Variants in PTPRJ observed in about 807,000 individuals in gnomAD.
The protein encoded by PTPRJ is receptor-type tyrosine-protein phosphatase eta.
In PTPRJ, 129 loss-of-function variants were observed where a neutral mutation model predicts 141.3. That is an observed-to-expected ratio of 0.91 (90% CI 0.79 to 1.06). The LOEUF (loss-of-function observed/expected upper bound fraction) is 1.06. PTPRJ is among the 50% of genes least tolerant of loss of function. The pLI, the probability that PTPRJ is intolerant of heterozygous loss-of-function variation, is 0.00. For missense variants in PTPRJ, 1,601 were observed against 1,679.7 expected (o/e 0.95, Z 0.82); for synonymous variants, 610 against 640.5 (o/e 0.95, Z 0.72).
At chr11:48,004,246 C>G (rs541530684) in intron 1 of PTPRJ, among the ~76,000 whole-genome samples, 1 of 152,344 alleles carries the variant, frequency 6.6e-6, no homozygotes, top group South Asian at 2.1e-4. Flanking sequence ...ATGTTGAGTT[C>G]AAATCCTAGT....
At chr11:48,013,867 G>A (rs1463534751) in intron 1 of PTPRJ, among the ~76,000 whole-genome samples, 1 of 152,134 alleles carries the variant, frequency 6.6e-6, no homozygotes, top group Non-Finnish European at 1.5e-5. Context: ...AAGACCTTCC[G>A]CTGGCCCCAG....
At chr11:48,130,167 C>T (rs1242197753) in intron 7 of PTPRJ, among the ~76,000 whole-genome samples, 1 of 151,060 alleles carries the variant, frequency 6.6e-6, no homozygotes, top group African/African-American at 2.4e-5. Flanking sequence ...CCAAGGTTCT[C>T]CTCCAGAGCC....
intron 22 of PTPRJ, among the ~76,000 whole-genome samples, chr11:48,161,792 T>G (rs1486488436): frequency 6.6e-6 from 1 of 151,992 alleles, no homozygotes; most frequent in African/African-American, 2.4e-5. Flanking sequence ...TTTTTTGTAT[T>G]TTTAATAGAG....
intron 11 of PTPRJ, among the ~76,000 whole-genome samples, chr11:48,141,863 T>A (rs1857236080): frequency 6.6e-6 from 1 of 152,234 alleles, no homozygotes; most frequent in Non-Finnish European, 1.5e-5. Flanking sequence ...CAATTTTTGC[T>A]TTTGTTGCTG....
intron 1 of PTPRJ, among the ~76,000 whole-genome samples, chr11:48,035,425 G>T (rs1263324526): frequency 1.3e-5 from 2 of 151,792 alleles, no homozygotes; most frequent in African/African-American, 4.8e-5. Flanking sequence ...GGGATGAGCT[G>T]TTTGTAGTGA....
chr11:48,068,741 A>G (rs947760202), intron 1 of PTPRJ, among the ~76,000 whole-genome samples: 1 of 152,198 alleles, frequency 6.6e-6, no homozygotes, highest in African/African-American at 2.4e-5. Flanking sequence ...AGGATGGTCC[A>G]TGCACGGAAT....
At chr11:48,144,392 A>G (rs1857303652) in intron 12 of PTPRJ, among the ~76,000 whole-genome samples, 2 of 152,294 alleles carry the variant, frequency 1.3e-5, no homozygotes, top group Admixed American at 1.3e-4. Context: ...TCTACCTCAT[A>G]GGCAGTGTGA....
chr11:48,164,129 T>G (rs1056462066), intron 23 of PTPRJ, among the ~76,000 whole-genome samples: 6 of 152,148 alleles, frequency 3.9e-5, no homozygotes, highest in Non-Finnish European at 1.5e-5. Context: ...GAACTGAGAT[T>G]GAAGAAGCTT....
In PTPRJ at chr11:48,144,152, T is replaced by C. The variant is rs151239386; in HGVS notation, c.2576-523T>C. Among the ~76,000 whole-genome samples the C allele has an allele frequency of 7.9e-5, 12 of 152,292 alleles. No individual in the cohort carries two copies. The South Asian group carries it at 1.0e-3, about 13-fold the overall frequency. On this transcript the variant is annotated intron_variant, in intron 12 of 24. Transcript: ENST00000418331. ...TGTCGGGGTTAGGGATCTGGGAGGA[T>C]AGAAATTTGCTGGTGCCATAACCTG...
chr11:48,159,094 T>TGG (rs3071025), intron 21 of PTPRJ, among the ~76,000 whole-genome samples: 112,000 of 141,768 alleles, frequency 0.79, 45,032 homozygotes, highest in South Asian at 0.86. Flanking sequence ...TGTGTGTATG[T>TGG]GGGGTGTGTG....
At chr11:48,039,186 A>G (rs12287023) in intron 1 of PTPRJ, among the ~76,000 whole-genome samples, 10,186 of 151,272 alleles carry the variant, frequency 0.067, 1,104 homozygotes, top group African/African-American at 0.23. Flanking sequence ...ATTGGTAACA[A>G]CCCTCATTTT....
chr11:48,143,062 C>T lies in PTPRJ; in HGVS notation c.2575+12C>T. ...CACCACCGGGGAAGGTAAGGAGAGG[C>T]CTCCGTGGGTTAAACAGCCCATGAG... On this transcript the variant is annotated intron_variant, in intron 12 of 24. Transcript: ENST00000418331. 6.2e-7 allele frequency: 1 copy of T among 1,613,882 alleles called. No homozygotes were observed. The highest frequency in any genetic ancestry group is 1.1e-5 in the South Asian group (1 of 91,058).
chr11:47,981,404 C>A (rs555748293), intron 1 of PTPRJ, among the ~76,000 whole-genome samples: 1 of 152,112 alleles, frequency 6.6e-6, no homozygotes, highest in African/African-American at 2.4e-5. Flanking sequence ...AGCCGGGCGG[C>A]CTGGCTGAGC....
chr11:48,067,023 CTT>C (rs1412125081), intron 1 of PTPRJ, among the ~76,000 whole-genome samples: 2 of 152,182 alleles, frequency 1.3e-5, no homozygotes, highest in East Asian at 1.9e-4. Flanking sequence ...AGGGAATTAA[CTT>C]TGGACACAGA....
intron 1 of PTPRJ, among the ~76,000 whole-genome samples, chr11:48,019,472 C>G (rs547887273): frequency 1.3e-4 from 19 of 151,112 alleles, no homozygotes; most frequent in African/African-American, 4.4e-4. Context: ...GTTGCCTGTT[C>G]AGCAATCACA....
In PTPRJ at chr11:48,139,509, G is replaced by A. The variant is rs374727162; in HGVS notation, c.2176G>A (p.Asp726Asn). 1.5e-5 allele frequency: 24 copies of A among 1,613,816 alleles called. No homozygotes were observed. In the Admixed American group the frequency reaches 1.8e-4, roughly 12 times the overall value. Residue 726 changes from aspartate to asparagine, a missense_variant, in exon 11 of 25, where the codon GAC becomes AAC. Coordinates refer to ENST00000418331, the MANE Select transcript of PTPRJ (RefSeq NM_002843.4). The part of the protein sequence containing the change: ...CTDPASMASF[D>N]CEVVPKEPAL... Reference sequence around the variant, plus strand: ...AGATCCTGCGTCCATGGCCTCCTTCGACTGCGAAGTGGTCCCCAAAGAGCC... The same window carrying A: ...AGATCCTGCGTCCATGGCCTCCTTCAACTGCGAAGTGGTCCCCAAAGAGCC...
chr11:48,038,461 T>C (rs1854183189), intron 1 of PTPRJ, among the ~76,000 whole-genome samples: 1 of 152,146 alleles, frequency 6.6e-6, no homozygotes, highest in South Asian at 2.1e-4. Context: ...TCTTTAAGAC[T>C]ACTGATAACA....
chr11:48,028,247 C>CAG (rs1420295088), intron 1 of PTPRJ, among the ~76,000 whole-genome samples: 1 of 152,188 alleles, frequency 6.6e-6, no homozygotes, highest in African/African-American at 2.4e-5. Flanking sequence ...ACATGGCTTG[C>CAG]AGAGCACTAC....
At chr11:48,079,624 G>C (rs1319314683) in intron 1 of PTPRJ, among the ~76,000 whole-genome samples, 4 of 152,148 alleles carry the variant, frequency 2.6e-5, no homozygotes, top group African/African-American at 9.7e-5. Flanking sequence ...AGAGAAGGTA[G>C]GAGGGCAGAG....
Sources: gnomAD v4.1 joint callset for allele counts (sites outside exome capture counted in the v4.1 genomes callset) on GRCh38, gnomAD v4.1.1 for gene constraint, MANE v1.5 for transcripts, NCBI Gene and HGNC (gene_info 2026-07-23, HGNC 2026-07-21) for gene names.